The following SLC12A1 variants were observed in gnomAD, a reference collection of about 807,000 sequenced individuals.
SLC12A1 encodes the protein Na-K-2Cl cotransporter.
SLC12A1 carries 89 observed loss-of-function variants against 130.4 expected under a neutral mutation model. The observed-to-expected ratio is 0.68, with a 90% CI of 0.58 to 0.81. The LOEUF (loss-of-function observed/expected upper bound fraction) is 0.81, where lower values mean the gene tolerates loss of function less well. Ranked by LOEUF, SLC12A1 falls within the 40% of genes least tolerant of loss-of-function variation. The pLI is 0.00. For missense variants in SLC12A1, 1,310 were observed against 1,336.4 expected, an observed-to-expected ratio of 0.98 and a Z score of 0.31; for synonymous variants, 499 against 460.0, an observed-to-expected ratio of 1.08 and a Z score of -1.09.
intron 20 of SLC12A1, among the ~76,000 whole-genome samples, chr15:48,281,766 G>A (rs915022244): frequency 1.3e-5 from 2 of 152,214 alleles, no homozygotes; most frequent in Non-Finnish European, 2.9e-5. Context: ...ATGTAGTCGT[G>A]ATGGTGGTGA....
chr15:48,298,933 A>G (rs2042204585), intron 24 of SLC12A1, among the ~76,000 whole-genome samples: 2 of 152,246 alleles, frequency 1.3e-5, no homozygotes, highest in South Asian at 2.1e-4. Flanking sequence ...AAGGCCTTGA[A>G]CACTCTAAGG....
intron 17 of SLC12A1, among the ~76,000 whole-genome samples, chr15:48,263,216 A>T (rs947064734): frequency 2.6e-5 from 4 of 152,176 alleles, no homozygotes; most frequent in Non-Finnish European, 5.9e-5. Context: ...ACATTTAAGG[A>T]TCAAAAGTTA....
intron 19 of SLC12A1, among the ~76,000 whole-genome samples, chr15:48,273,824 A>G (rs893467924): frequency 2.0e-5 from 3 of 152,216 alleles, no homozygotes; most frequent in Non-Finnish European, 4.4e-5. Context: ...ATTAAGTTTT[A>G]GATCCATAGA....
At chr15:48,262,305 T>C (rs1213317150) in intron 17 of SLC12A1, among the ~76,000 whole-genome samples, 1 of 152,160 alleles carries the variant, frequency 6.6e-6, no homozygotes. Context: ...TGCTGTTACA[T>C]TACCAGAAAG....
At chr15:48,238,228 G>C (rs1025113467) in intron 9 of SLC12A1, among the ~76,000 whole-genome samples, 1 of 152,148 alleles carries the variant, frequency 6.6e-6, no homozygotes, top group African/African-American at 2.4e-5. Flanking sequence ...TAGTAGATGA[G>C]GAAAGGAAGC....
chr15:48,280,292 C>T (rs139082724), intron 20 of SLC12A1, among the ~76,000 whole-genome samples: 14 of 152,080 alleles, frequency 9.2e-5, no homozygotes, highest in Middle Eastern at 3.4e-3. Flanking sequence ...CTTGAAAATA[C>T]AGTAACTACT....
chr15:48,269,038 A>G (rs2041863452), intron 18 of SLC12A1, among the ~76,000 whole-genome samples: 1 of 152,214 alleles, frequency 6.6e-6, no homozygotes, highest in Admixed American at 6.5e-5. Context: ...ACATAGCACT[A>G]TGCAATTCAT....
intron 24 of SLC12A1, among the ~76,000 whole-genome samples, 177 bp from the exon 25 acceptor site, chr15:48,298,963 G>A (rs757665944): frequency 6.6e-6 from 1 of 152,272 alleles, no homozygotes; most frequent in East Asian, 1.9e-4. Context: ...GGGTAGGGAG[G>A]GAGTACTGTA....
Position 48,229,227 on chromosome 15 carries a change from G to A in SLC12A1, c.763G>A (p.Glu255Lys), listed in dbSNP as rs749498531. Residue 255 changes from glutamate (E) to lysine (K), a missense_variant, in exon 6 of 27, where the codon GAG (glutamate) becomes AAG (lysine). Transcript: ENST00000380993. Reference protein sequence around the residue: ...YYLISRSLGPEFGGSIGLIFA... With the variant: ...YYLISRSLGPKFGGSIGLIFA... ...TCTTATTTCCAGAAGTTTAGGGCCC[G>A]AGTTCGGTGGGTCAATAGGCCTGAT... 4.5e-5 allele frequency: 72 copies of A among 1,592,536 alleles called. No homozygotes were observed. Among genetic ancestry groups the A allele is most frequent in the Non-Finnish European group, 5.4e-5 (63 of 1,168,762 alleles).
intron 4 of SLC12A1, chr15:48,225,550 G>A (rs975202397): frequency 6.6e-6 from 1 of 152,064 alleles, no homozygotes; most frequent in Non-Finnish European, 1.5e-5. Context: ...AAAATAGCAA[G>A]ACTGTCTCTA....
At chr15:48,245,884 T>G (rs2041573700) in intron 11 of SLC12A1, among the ~76,000 whole-genome samples, 1 of 152,202 alleles carries the variant, frequency 6.6e-6, no homozygotes, top group South Asian at 2.1e-4. Flanking sequence ...ACAAAGCCTT[T>G]GAGGTGGCCC....
chr15:48,248,362 T>C (rs1206253324), intron 13 of SLC12A1, among the ~76,000 whole-genome samples: 2 of 152,234 alleles, frequency 1.3e-5, no homozygotes, highest in Admixed American at 1.3e-4. Context: ...TATAGAGATG[T>C]TTCAATTATG....
intron 10 of SLC12A1, among the ~76,000 whole-genome samples, chr15:48,242,658 C>T (rs926074421): frequency 2.0e-5 from 3 of 151,978 alleles, no homozygotes; most frequent in Admixed American, 1.3e-4. Flanking sequence ...AAAAATTAGC[C>T]GGGCGTGGCG....
intron 24 of SLC12A1, among the ~76,000 whole-genome samples, chr15:48,295,279 T>C (rs1028726650): frequency 5.3e-5 from 8 of 152,170 alleles, no homozygotes; most frequent in Non-Finnish European, 7.3e-5. Flanking sequence ...ATTATCAATG[T>C]TTGCTGATTA....
At position 48,229,307 on chromosome 15, in the gene SLC12A1, G is replaced by C. The variant is rs886039870; in HGVS notation, c.843G>C (p.Glu281Asp). ...AVAMYVVGFA[E>D]TVVDLLKESD... ...CTATGTATGTGGTGGGATTTGCTGA[G>C]ACTGTAGTAGATCTTCTTAAGGTAA... Residue 281 changes from glutamate (E) to aspartate (D), a missense_variant, in exon 6 of 27, where the codon GAG (glutamate) becomes GAC (aspartate). Coordinates refer to ENST00000380993, the MANE Select transcript of SLC12A1 (RefSeq NM_000338.3). The C allele has an allele frequency of 1.2e-6, 2 of 1,602,886 alleles. No homozygotes were observed. The highest frequency in any genetic ancestry group is 2.3e-5 in the South Asian group (2 of 88,866).
Position 48,220,637 on chromosome 15 carries a change from G to A in SLC12A1, c.424G>A (p.Val142Met), listed in dbSNP as rs1353026054. Residue 142 changes from valine (V) to methionine (M), a missense_variant, in exon 3 of 27, where the codon GTG becomes ATG. Coordinates refer to ENST00000380993, the MANE Select transcript of SLC12A1 (RefSeq NM_000338.3). ...LEIHEQLAKNVAVTPSSADRV... is the reference protein window; with the variant it reads ...LEIHEQLAKNMAVTPSSADRV... ...TTTTGCTATCTATAAAATGCAGAAT[G>A]TGGCAGTCACCCCAAGTTCAGCTGA... 1.9e-6 allele frequency: 3 copies of A among 1,612,846 alleles called. No individual in the cohort carries two copies. The African/African-American group carries it at 4.0e-5, about 22-fold the overall frequency.
chr15:48,246,159 A>T (rs772856341), intron 11 of SLC12A1, among the ~76,000 whole-genome samples: 1 of 152,212 alleles, frequency 6.6e-6, no homozygotes. Context: ...CATGTCTCAG[A>T]TCTAAAATTA....
rs913042076 is a variant in SLC12A1, at chr15:48,257,307, C to T, written c.2042+1397C>T. Among the ~76,000 whole-genome samples, 24 of 152,300 alleles carry T rather than the reference C, an allele frequency of 1.6e-4. No individual in the cohort carries two copies. The East Asian group carries it at 4.6e-3, about 29-fold the overall frequency. On this transcript the variant is annotated intron_variant, in intron 16 of 26. Transcript: ENST00000380993. ...AGCTTTTCCAGGTGCACAGTGCAAA[C>T]TGTCGGTGGATCTACCATTCTGGGG...
At chr15:48,209,957 C>T (rs1000520737) in intron 2 of SLC12A1, among the ~76,000 whole-genome samples, 1 of 152,194 alleles carries the variant, frequency 6.6e-6, no homozygotes, top group African/African-American at 2.4e-5. Flanking sequence ...ATATTTGATG[C>T]TTTAATCAAA....
Sources: gnomAD v4.1 joint callset for allele counts (sites outside exome capture counted in the v4.1 genomes callset) on GRCh38, gnomAD v4.1.1 for gene constraint, MANE v1.5 for transcripts, NCBI Gene and HGNC (gene_info 2026-07-23, HGNC 2026-07-21) for gene names.